SUGCT: variants seen among roughly 807,000 people sequenced by gnomAD.
The protein encoded by SUGCT is succinyl-CoA:glutarate-CoA transferase, also known as succinyl-CoA:glutarate CoA-transferase.
In SUGCT, 41 loss-of-function variants were observed where a neutral mutation model predicts 55.0. That is an observed-to-expected ratio of 0.74 (90% CI 0.58 to 0.97). The LOEUF is 0.97. SUGCT is among the 50% of genes least tolerant of loss of function. SUGCT has a pLI of 0.00. For missense variants in SUGCT, 568 were observed against 547.8 expected, an observed-to-expected ratio of 1.04 and a Z score of -0.37; for synonymous variants, 187 against 200.4, an observed-to-expected ratio of 0.93 and a Z score of 0.56.
intron 11 of SUGCT, among the ~76,000 whole-genome samples, chr7:40,470,885 A>G (rs1389309727): frequency 2.0e-5 from 3 of 151,706 alleles, no homozygotes; most frequent in Admixed American, 1.3e-4. Context: ...TCTTTCCTCT[A>G]TTGTGAATTG....
intron 12 of SUGCT, among the ~76,000 whole-genome samples, chr7:40,635,842 G>T (rs1487418784): frequency 6.6e-6 from 1 of 152,206 alleles, no homozygotes; most frequent in African/African-American, 2.4e-5. Flanking sequence ...ATCACTGGAT[G>T]ATTCAAGACT....
chr7:40,449,519 G>C (rs1054312620), intron 10 of SUGCT, among the ~76,000 whole-genome samples, 161 bp downstream of exon 10: 1 of 152,162 alleles, frequency 6.6e-6, no homozygotes, highest in African/African-American at 2.4e-5. Context: ...TTAGCATTCT[G>C]TGTTTTTTGT....
intron 1 of SUGCT, among the ~76,000 whole-genome samples, chr7:40,174,062 C>T (rs991973154): frequency 6.6e-6 from 1 of 151,364 alleles, no homozygotes; most frequent in Non-Finnish European, 1.5e-5. Flanking sequence ...TCACTCTGTC[C>T]CCCAGGCTGG....
rs540827869 is a variant in SUGCT at position 40,365,948 on chromosome 7, A to G, written c.816+49093A>G. Among the ~76,000 whole-genome samples, 300 of 152,360 alleles carry G rather than the reference A, an allele frequency of 2.0e-3. 12 individuals carry two copies. In the South Asian group the frequency reaches 0.059, roughly 30 times the overall value. ...CATATGGAACCAAAAAAGAGCTCAC[A>G]TCGCCAAGTCAATCCTAAGCCAAAA... On this transcript the variant is annotated intron_variant, in intron 9 of 13. Coordinates refer to ENST00000335693, the MANE Select transcript of SUGCT (RefSeq NM_001193313.2).
intron 12 of SUGCT, among the ~76,000 whole-genome samples, chr7:40,737,088 T>G (rs1787200200): frequency 6.6e-6 from 1 of 152,212 alleles, no homozygotes. Flanking sequence ...GAGGCACTCA[T>G]GACATCCTAG....
chr7:40,940,150 T>C, the SUGCT span, among the ~76,000 whole-genome samples: 2,367 of 152,300 alleles, frequency 0.016, 59 homozygotes, highest in African/African-American at 0.052. Context: ...CCCCAATTTA[T>C]GTTTTTGTAT....
chr7:40,225,352 G>C (rs1398042222), intron 6 of SUGCT, among the ~76,000 whole-genome samples: 1 of 152,062 alleles, frequency 6.6e-6, no homozygotes, highest in Non-Finnish European at 1.5e-5. Flanking sequence ...CCTTTCTGTG[G>C]TAGAGATTGA....
intron 9 of SUGCT, among the ~76,000 whole-genome samples, chr7:40,339,998 A>G (rs888981137): frequency 2.6e-5 from 4 of 152,208 alleles, no homozygotes; most frequent in Non-Finnish European, 5.9e-5. Context: ...ATTGATATAC[A>G]TGCATGATTT....
chr7:40,321,233 G>A (rs545066774), intron 9 of SUGCT, among the ~76,000 whole-genome samples: 5 of 150,940 alleles, frequency 3.3e-5, no homozygotes, highest in South Asian at 4.1e-4. Flanking sequence ...ACGCCATCAC[G>A]CCTGGCTAAT....
intron 8 of SUGCT, among the ~76,000 whole-genome samples, chr7:40,278,220 A>G (rs543481737): frequency 1.6e-3 from 248 of 152,346 alleles, no homozygotes; most frequent in Non-Finnish European, 3.0e-3. Context: ...TCAAAACCAC[A>G]GTGAGATACC....
the SUGCT span, among the ~76,000 whole-genome samples, chr7:40,947,906 C>T: frequency 1.3e-5 from 2 of 152,194 alleles, no homozygotes; most frequent in Non-Finnish European, 2.9e-5. Context: ...CAAGTTCATT[C>T]ATCAGTCTCT....
At chr7:40,854,399 CTT>C (rs1466800931) in intron 13 of SUGCT, among the ~76,000 whole-genome samples, 1 of 103,392 alleles carries the variant, frequency 9.7e-6, no homozygotes, top group Non-Finnish European at 2.0e-5. Context: ...AAATTTTTTT[CTT>C]TCTTTCTTTC....
chr7:40,195,041 C>T lies in SUGCT; in HGVS notation c.465C>T (p.Ile155=). ...ATATAGACGAGATTGCTCCTCACAT[C>T]ATCTATTGTTCCATCACAGGTATTT... ...YEDIDEIAPH[I]IYCSITGYGQ... Residue 155 remains isoleucine (I), a synonymous_variant, in exon 6 of 14, where the codon ATC becomes ATT. Coordinates refer to ENST00000335693, the MANE Select transcript of SUGCT (RefSeq NM_001193313.2). The T allele has an allele frequency of 2.5e-6, 4 of 1,613,416 alleles. No homozygotes were observed. The highest frequency in any genetic ancestry group is 3.4e-6 in the Non-Finnish European group (4 of 1,179,658).
chr7:40,631,056 A>G (rs79343998), intron 12 of SUGCT, among the ~76,000 whole-genome samples: 149 of 152,316 alleles, frequency 9.8e-4, no homozygotes, highest in African/African-American at 3.4e-3. Context: ...TTCTGACTGT[A>G]AAGTCCAAAG....
At position 40,249,325 on chromosome 7, in the gene SUGCT, A is replaced by ATATCTATATATATATC. The variant is rs1562612058; in HGVS notation, c.576+11602_576+11603insCTATATATATATCTAT. Among the ~76,000 whole-genome samples, 11 of 117,376 alleles carry ATATCTATATATATATC rather than the reference A, an allele frequency of 9.4e-5. No homozygotes were observed. The East Asian group carries it at 1.1e-3, about 12-fold the overall frequency. 77.0% of individuals were successfully genotyped at this position (117,376 alleles called of 152,430 possible). On this transcript the variant is annotated intron_variant, in intron 7 of 13. Coordinates refer to ENST00000335693, the MANE Select transcript of SUGCT (RefSeq NM_001193313.2). Reference sequence around the variant, plus strand: ...AAACACCAAAAAGCTATATATATATATATATATATATATATATATATAATT... The same window carrying ATATCTATATATATATC: ...AAACACCAAAAAGCTATATATATATATATCTATATATATATCTATATATATATATATATATATAATT...
At chr7:40,953,125 A>G in the SUGCT span, among the ~76,000 whole-genome samples, 1 of 152,094 alleles carries the variant, frequency 6.6e-6, no homozygotes, top group African/African-American at 2.4e-5. Flanking sequence ...ACATAGTTCT[A>G]TATTTCTTGG....
intron 12 of SUGCT, among the ~76,000 whole-genome samples, chr7:40,550,073 G>A (rs1482628656): frequency 6.6e-6 from 1 of 152,196 alleles, no homozygotes; most frequent in East Asian, 1.9e-4. Context: ...ACAATCAGTG[G>A]TTTAGGATAT....
the SUGCT span, among the ~76,000 whole-genome samples, chr7:41,006,918 T>C: frequency 6.6e-6 from 1 of 152,212 alleles, no homozygotes; most frequent in Admixed American, 6.5e-5. Flanking sequence ...TATCTGAAGA[T>C]TGTGAAATGA....
chr7:41,022,480 A>C, the SUGCT span, among the ~76,000 whole-genome samples: 1 of 152,188 alleles, frequency 6.6e-6, no homozygotes, highest in African/African-American at 2.4e-5. Context: ...ATGAGAATTA[A>C]CCCTGGAATG....
Sources: gnomAD v4.1 joint callset for allele counts (sites outside exome capture counted in the v4.1 genomes callset) on GRCh38, gnomAD v4.1.1 for gene constraint, MANE v1.5 for transcripts, NCBI Gene and HGNC (gene_info 2026-07-23, HGNC 2026-07-21) for gene names.